TSHR: variants seen among roughly 807,000 people sequenced by gnomAD.
The protein encoded by TSHR is thyrotropin receptor.
A neutral mutation model predicts 64.1 loss-of-function variants in TSHR; 51 were observed. The observed-to-expected ratio is 0.80, with a 90% CI of 0.64 to 1.01. The LOEUF is 1.01. Among genes scored for constraint, TSHR ranks in the 50% least tolerant of loss-of-function variants. The probability of loss-of-function intolerance (pLI) is 0.00; values close to 1 mark genes in which losing one functional copy is unlikely to be tolerated. For missense variants in TSHR, 877 were observed against 942.8 expected (o/e 0.93, Z 0.91); for synonymous variants, 361 against 361.9 (o/e 1.00, Z 0.03).
At chr14:81,010,155 T>C (rs767769042) in intron 1 of TSHR, among the ~76,000 whole-genome samples, 22 of 152,182 alleles carry the variant, frequency 1.4e-4, no homozygotes, top group Non-Finnish European at 2.2e-4. Flanking sequence ...TCTTTTTCTG[T>C]AAATTATTTA....
At chr14:81,075,691 T>C (rs1053942924) in intron 3 of TSHR, among the ~76,000 whole-genome samples, 2 of 137,648 alleles carry the variant, frequency 1.5e-5, no homozygotes, top group African/African-American at 5.5e-5. Context: ...TTTTACACTG[T>C]TGGTGGGACT....
intron 1 of TSHR, chr14:81,001,080 T>C (rs1422953386): frequency 6.1e-6 from 1 of 164,532 alleles, no homozygotes; most frequent in African/African-American, 2.4e-5. Context: ...CAGTACTTCT[T>C]TGTGGGAGTT....
At chr14:81,073,312 C>T (rs1348852431) in intron 3 of TSHR, among the ~76,000 whole-genome samples, 1 of 151,406 alleles carries the variant, frequency 6.6e-6, no homozygotes, top group African/African-American at 2.4e-5. Flanking sequence ...AACAAGCATA[C>T]CAAAATAGTA....
intron 5 of TSHR, among the ~76,000 whole-genome samples, chr14:81,091,691 A>G (rs1888749581): frequency 1.3e-5 from 2 of 152,236 alleles, no homozygotes; most frequent in Non-Finnish European, 2.9e-5. Context: ...GCCACCTTAT[A>G]AGGTGTAAAA....
At chr14:81,045,027 GAAAATGTGGT>G (rs1885109703) in intron 1 of TSHR, among the ~76,000 whole-genome samples, 1 of 152,138 alleles carries the variant, frequency 6.6e-6, no homozygotes, top group Non-Finnish European at 1.5e-5. Flanking sequence ...ACTGAATAAA[GAAAATGTGGT>G]ACATACACAC....
intron 1 of TSHR, chr14:80,983,413 A>G (rs1001105533): frequency 4.9e-5 from 59 of 1,202,964 alleles, no homozygotes; most frequent in Non-Finnish European, 6.6e-5. Context: ...AATATATCTG[A>G]AAATCCAACT....
chr14:80,965,763 A>G (rs1430767351), intron 1 of TSHR, among the ~76,000 whole-genome samples: 1 of 152,216 alleles, frequency 6.6e-6, no homozygotes, highest in Non-Finnish European at 1.5e-5. Flanking sequence ...AACCTTTAAG[A>G]ACATTTAGGG....
At chr14:80,976,153 C>T (rs998676246) in intron 1 of TSHR, among the ~76,000 whole-genome samples, 12 of 152,260 alleles carry the variant, frequency 7.9e-5, no homozygotes, top group Admixed American at 2.6e-4. Context: ...CCTCGTGATC[C>T]GCCCGCCTCG....
intron 1 of TSHR, among the ~76,000 whole-genome samples, chr14:81,021,447 T>A (rs533175296): frequency 6.6e-6 from 1 of 152,156 alleles, no homozygotes; most frequent in South Asian, 2.1e-4. Context: ...TCCATATTTG[T>A]TTTCCCCAAA....
chr14:80,979,718 T>C (rs1189108186), intron 1 of TSHR, among the ~76,000 whole-genome samples: 1 of 152,222 alleles, frequency 6.6e-6, no homozygotes, highest in African/African-American at 2.4e-5. Context: ...CACATAGGAT[T>C]ATTCTTGATA....
At chr14:81,012,962 A>C (rs2139780355) in intron 1 of TSHR, 1 of 152,052 alleles carries the variant, frequency 6.6e-6, no homozygotes, top group South Asian at 2.1e-4. Context: ...CCCATTTGTC[A>C]ATTTTGGCTT....
intron 1 of TSHR, among the ~76,000 whole-genome samples, chr14:80,980,224 C>T (rs72693075): frequency 6.6e-6 from 1 of 151,102 alleles, no homozygotes; most frequent in Non-Finnish European, 1.5e-5. Context: ...TGGGAACATT[C>T]TTTATTTCCA....
chr14:81,124,547 G>C (rs1890938755), intron 8 of TSHR, among the ~76,000 whole-genome samples: 1 of 151,944 alleles, frequency 6.6e-6, no homozygotes, highest in East Asian at 1.9e-4. Context: ...AAATTTAGTA[G>C]TAAAATTAAC....
chr14:80,968,281 G>T (rs1887419137), intron 1 of TSHR, among the ~76,000 whole-genome samples: 1 of 152,080 alleles, frequency 6.6e-6, no homozygotes, highest in African/African-American at 2.4e-5. Context: ...GGGTTGGTTA[G>T]CCTTTGCACA....
chr14:81,136,128 A>G (rs746107602), intron 8 of TSHR, among the ~76,000 whole-genome samples: 3 of 152,244 alleles, frequency 2.0e-5, no homozygotes, highest in Non-Finnish European at 2.9e-5. Context: ...CATGGTAGGA[A>G]GCGTGGATGT....
chr14:81,026,798 G>A lies in TSHR; in HGVS notation c.171-35350G>A, dbSNP rs552037977. Among the ~76,000 whole-genome samples the A allele has an allele frequency of 5.3e-5, 8 of 152,304 alleles. No individual in the cohort carries two copies. The South Asian group carries it at 1.7e-3, about 32-fold the overall frequency. On this transcript the variant is annotated intron_variant, in intron 1 of 9. Coordinates refer to ENST00000298171, the MANE Select transcript of TSHR (RefSeq NM_000369.5). ...CACCTGTAATCCCAGCACTTTGGAA[G>A]GTAGAGGCAGGCAGATCACCTGAGG...
chr14:80,974,980 A>C lies in TSHR; in HGVS notation c.170+19130A>C, dbSNP rs192644741. On this transcript the variant is annotated intron_variant, in intron 1 of 9. Transcript: ENST00000298171. ...AGAAATGGACAGTGGAAGTCAGGAG[A>C]CCTTCCATAAGTCCTAAGAATCTTA... is the stretch of plus-strand genomic sequence containing the variant. Among the ~76,000 whole-genome samples, 5 of 152,308 alleles carry C rather than the reference A, an allele frequency of 3.3e-5. No homozygotes were observed. The East Asian group carries it at 5.8e-4, about 18-fold the overall frequency.
chr14:81,121,845 G>C (rs1300924693), intron 8 of TSHR, among the ~76,000 whole-genome samples: 1 of 151,208 alleles, frequency 6.6e-6, no homozygotes, highest in East Asian at 2.0e-4. Context: ...GGGAGGCTGA[G>C]GTAGGAGAAT....
intron 8 of TSHR, among the ~76,000 whole-genome samples, chr14:81,115,376 G>A (rs1443073019): frequency 3.4e-5 from 5 of 145,848 alleles, no homozygotes; most frequent in Admixed American, 2.7e-4. Context: ...AGAACTACAT[G>A]AAGAATGCAG....
Sources: allele counts gnomAD v4.1 joint callset (sites outside exome capture counted in the v4.1 genomes callset), GRCh38; gene constraint gnomAD v4.1.1; transcripts MANE v1.5; gene names NCBI Gene and HGNC (gene_info 2026-07-23, HGNC 2026-07-21).